Variants in ZNF568 observed in about 807,000 individuals in gnomAD.
ZNF568 encodes zinc finger protein 568, also known as p53 inhibitor of SCO2 activation.
In ZNF568, 11 loss-of-function variants were observed where a neutral mutation model predicts 18.1. The ratio of observed to expected loss-of-function variants is 0.61; its 90% CI spans 0.38 to 1.00. ZNF568 has a LOEUF of 1.00. ZNF568 is among the 50% of genes least tolerant of loss of function. The pLI is 0.01. For synonymous variants in ZNF568, 213 were observed against 246.6 expected (o/e 0.86, Z 1.28); for missense variants, 639 against 768.2 (o/e 0.83, Z 1.99).
At chr19:36,968,840 AG>A (rs1342463289) in intron 6 of ZNF568, among the ~76,000 whole-genome samples, 2 of 150,600 alleles carry the variant, frequency 1.3e-5, no homozygotes, top group Non-Finnish European at 2.9e-5. Context: ...TGTGAATCTA[AG>A]GGACAAGCAT....
rs2073330264 is a variant in ZNF568, at chr19:36,916,339, T to C, written c.-508T>C. 6.0e-6 allele frequency: 1 copy of C among 168,018 alleles called. No individual in the cohort carries two copies. Among genetic ancestry groups the C allele is most frequent in the Non-Finnish European group, 1.3e-5 (1 of 78,600 alleles). 10.4% of individuals were successfully genotyped at this position (168,018 alleles called of 1,614,324 possible). A position where few individuals can be genotyped will look rare whatever the true frequency, so the allele number is the denominator to read the frequency against. ...CGGGGCCTGCTGGGAGGTGTTGTCC[T>C]CGGAAACGTCGCTGGCGCGGAGGGA... On this transcript the variant is annotated 5_prime_UTR_variant, in exon 1 of 7. Coordinates refer to ENST00000333987, the MANE Select transcript of ZNF568 (RefSeq NM_198539.4). The surrounding 1 kb of genome is among the most constrained non-coding windows in gnomAD (Gnocchi z 5.3).
chr19:36,981,170 C>T (rs2074328291), downstream of ZNF568, among the ~76,000 whole-genome samples: 1 of 152,190 alleles, frequency 6.6e-6, no homozygotes, highest in Non-Finnish European at 1.5e-5. Flanking sequence ...ATTCTGGGCT[C>T]TCCTTTCTAA....
At chr19:36,989,231 A>G (rs2074402631) in intron 2 of ZNF568, among the ~76,000 whole-genome samples, 1 of 152,118 alleles carries the variant, frequency 6.6e-6, no homozygotes, top group African/African-American at 2.4e-5. Context: ...TGCCTAGGCT[A>G]GACTACAGTG....
intron 6 of ZNF568, among the ~76,000 whole-genome samples, chr19:36,971,846 C>CTTT (rs10672807): frequency 0.017 from 2,459 of 142,948 alleles, 47 homozygotes; most frequent in Middle Eastern, 0.049. Flanking sequence ...CTATTTATAA[C>CTTT]TTTTTTTTTT....
chr19:36,964,980 A>C (rs11281866), intron 6 of ZNF568, among the ~76,000 whole-genome samples: 1 of 127,996 alleles, frequency 7.8e-6, no homozygotes, highest in Non-Finnish European at 1.7e-5. Flanking sequence ...TTGGGACACT[A>C]GTCTTTGGGG....
intron 6 of ZNF568, among the ~76,000 whole-genome samples, chr19:36,946,116 T>C (rs995427599): frequency 3.3e-5 from 5 of 151,518 alleles, no homozygotes; most frequent in African/African-American, 1.2e-4. Flanking sequence ...ATGATAACAA[T>C]AATAATAATC....
chr19:36,985,233 A>G (rs1451213202), intron 2 of ZNF568, among the ~76,000 whole-genome samples: 1 of 151,896 alleles, frequency 6.6e-6, no homozygotes, highest in Non-Finnish European at 1.5e-5. Context: ...TTTATTTTAT[A>G]TTTTTATTTC....
chr19:36,954,840 G>A (rs1163852535), downstream of ZNF568, among the ~76,000 whole-genome samples: 2 of 151,744 alleles, frequency 1.3e-5, no homozygotes, highest in Non-Finnish European at 2.9e-5. Context: ...GCCTCCCAAA[G>A]TGCTGGGATT....
intron 4 of ZNF568, among the ~76,000 whole-genome samples, chr19:36,927,864 A>G (rs576422643): frequency 5.0e-3 from 249 of 49,430 alleles, no homozygotes; most frequent in East Asian, 0.024. Context: ...GTGTGTGTAT[A>G]TATATATATA....
chr19:36,924,375 C>T (rs866438134), intron 3 of ZNF568, among the ~76,000 whole-genome samples: 47 of 151,742 alleles, frequency 3.1e-4, no homozygotes, highest in Middle Eastern at 3.4e-3. Context: ...CACGCCACTA[C>T]GCCCAGCGAA....
rs183158645 is a variant in ZNF568, at chr19:36,942,901, A to G, written c.358+5659A>G. ...CTCTGTTATATATTTCATTGTGTCA[A>G]GAATGTTGTTTATGGTTGGTTTATT... On this transcript the variant is annotated intron_variant, in intron 6 of 6. Coordinates refer to ENST00000333987, the MANE Select transcript of ZNF568 (RefSeq NM_198539.4). Among the ~76,000 whole-genome samples, 1,211 of 152,260 alleles carry G rather than the reference A, an allele frequency of 8.0e-3. 15 individuals are homozygous for G. The highest frequency in any genetic ancestry group is 0.046 in the South Asian group (220 of 4,828).
At chr19:36,917,276 A>G (rs1429289954) in intron 1 of ZNF568, among the ~76,000 whole-genome samples, 2 of 152,186 alleles carry the variant, frequency 1.3e-5, no homozygotes, top group Non-Finnish European at 2.9e-5. Context: ...TCTGCTCCTG[A>G]TGGGTCACCA....
intron 7 of ZNF568, among the ~76,000 whole-genome samples, chr19:36,978,456 C>T (rs1160226136): frequency 1.3e-5 from 2 of 152,152 alleles, no homozygotes; most frequent in Non-Finnish European, 1.5e-5. Flanking sequence ...CTTCTTACCT[C>T]CATCTTCTGC....
chr19:36,922,045 G>T (rs2073465442), intron 2 of ZNF568, among the ~76,000 whole-genome samples: 1 of 152,184 alleles, frequency 6.6e-6, no homozygotes, highest in Admixed American at 6.5e-5. Flanking sequence ...AGTGTTTGAG[G>T]CTATATTATC....
chr19:36,962,277 GTT>G (rs71177418), intron 6 of ZNF568, among the ~76,000 whole-genome samples: 16,086 of 46,286 alleles, frequency 0.35, 1,930 homozygotes, highest in Non-Finnish European at 0.42. Flanking sequence ...GTGTTGCAGT[GTT>G]TTTTTTTTTT....
intron 6 of ZNF568, among the ~76,000 whole-genome samples, chr19:36,945,994 C>A (rs1406951180): frequency 6.6e-6 from 1 of 151,796 alleles, no homozygotes; most frequent in Non-Finnish European, 1.5e-5. Context: ...ATTGGGGAGG[C>A]TGAGGCAGGG....
At position 36,990,912 on chromosome 19, in the gene ZNF568, G is replaced by C. The variant is rs1393734531; in HGVS notation, c.10-264G>C. 1.6e-5 allele frequency: 5 copies of C among 306,320 alleles called. No homozygotes were observed. The Admixed American group carries it at 1.8e-4, about 11-fold the overall frequency. 19.0% of individuals were successfully genotyped at this position (306,320 alleles called of 1,614,324 possible). On this transcript the variant is annotated intron_variant, in intron 2 of 4. Coordinates refer to the ZNF568 transcript ENST00000433993. Reference sequence around the variant, plus strand: ...TTTAATTGGGAAACACCACTTACATGGACTTAGTTTATTCTCTGACCTGGG... The same window carrying C: ...TTTAATTGGGAAACACCACTTACATCGACTTAGTTTATTCTCTGACCTGGG...
chr19:36,919,855 A>G (rs578655), intron 2 of ZNF568, among the ~76,000 whole-genome samples: 59,917 of 152,068 alleles, frequency 0.39, 12,308 homozygotes, highest in Non-Finnish European at 0.44. Flanking sequence ...CTCTGCTGCC[A>G]GTCATATAAA....
intron 1 of ZNF568, 143 bp from the exon 2 acceptor site, chr19:36,917,436 T>C (rs1266904176): frequency 1.3e-5 from 2 of 152,244 alleles, no homozygotes; most frequent in South Asian, 4.1e-4. Flanking sequence ...AATTCCAGTC[T>C]ACCACCTTAA....
Sources: allele counts gnomAD v4.1 joint callset (sites outside exome capture counted in the v4.1 genomes callset), GRCh38; gene constraint gnomAD v4.1.1; non-coding constraint Gnocchi (gnomAD v3.1); transcripts MANE v1.5; gene names NCBI Gene and HGNC (gene_info 2026-07-23, HGNC 2026-07-21).